ARHGAP40: variants seen among roughly 807,000 people sequenced by gnomAD.
ARHGAP40 encodes rho GTPase-activating protein 40.
In ARHGAP40, 43 loss-of-function variants were observed where a neutral mutation model predicts 73.5. The ratio of observed to expected loss-of-function variants is 0.58; its 90% CI spans 0.46 to 0.75. The LOEUF (loss-of-function observed/expected upper bound fraction) is 0.75. ARHGAP40 is among the 30% of genes least tolerant of loss of function. The probability of loss-of-function intolerance (pLI) is 0.00; values close to 1 mark genes in which losing one functional copy is unlikely to be tolerated. For synonymous variants in ARHGAP40, 300 were observed against 352.8 expected, an observed-to-expected ratio of 0.85 and a Z score of 1.68; for missense variants, 734 against 861.8, an observed-to-expected ratio of 0.85 and a Z score of 1.86.
At chr20:38,612,537 G>A (rs1451738916) in intron 1 of ARHGAP40, among the ~76,000 whole-genome samples, 35 of 152,140 alleles carry the variant, frequency 2.3e-4, no homozygotes, top group Non-Finnish European at 8.8e-5. Context: ...AGCTGGGCAT[G>A]GTGGAAGGTG....
chr20:38,644,998 C>T (rs1206147967), intron 11 of ARHGAP40, among the ~76,000 whole-genome samples: 1 of 152,194 alleles, frequency 6.6e-6, no homozygotes, highest in Non-Finnish European at 1.5e-5. Flanking sequence ...GTGAAGCCCT[C>T]TCTGACTGTT....
rs1196934360 is a variant in ARHGAP40 at position 38,640,138 on chromosome 20, T to TTCC, written c.1279+754_1279+755insCTC. On this transcript the variant is annotated intron_variant, in intron 9 of 14. Transcript: ENST00000373345. Reference sequence around the variant, plus strand: ...TTCCTCTTCTTCCTCTTCTTTCTTCTTCTTTCTTCTTCCTCTTCTTTCTTC... The same window carrying TTCC: ...TTCCTCTTCTTCCTCTTCTTTCTTCTTCCTCTTTCTTCTTCCTCTTCTTTCTTC... Among the ~76,000 whole-genome samples the TTCC allele has an allele frequency of 3.5e-3, 413 of 116,864 alleles. 7 individuals carry two copies. The highest frequency in any genetic ancestry group is 0.01 in the African/African-American group (252 of 24,262). 76.7% of individuals were successfully genotyped at this position (116,864 alleles called of 152,430 possible).
chr20:38,633,315 T>C (rs557952758), intron 5 of ARHGAP40, among the ~76,000 whole-genome samples: 1 of 152,304 alleles, frequency 6.6e-6, no homozygotes, highest in Non-Finnish European at 1.5e-5. Flanking sequence ...ACATCACATA[T>C]TGATCTTTTA....
At chr20:38,616,670 T>C (rs560721930) in intron 1 of ARHGAP40, among the ~76,000 whole-genome samples, 2 of 152,338 alleles carry the variant, frequency 1.3e-5, no homozygotes, top group South Asian at 2.1e-4. Flanking sequence ...TGTTTGACCA[T>C]CTGTGAAATG....
In ARHGAP40 at chr20:38,628,946, GC is replaced by G. The variant is rs780775073; in HGVS notation, c.579del (p.Asp194ThrfsTer4). 2.7e-4 allele frequency: 356 copies of G among 1,304,846 alleles called. No individual in the cohort carries two copies. The highest frequency in any genetic ancestry group is 3.5e-4 in the Non-Finnish European group (345 of 988,802). The allele number at this position is 1,304,846 out of a possible 1,614,324, so 80.8% of individuals were successfully genotyped here. A position where few individuals can be genotyped will look rare whatever the true frequency, so the allele number is the denominator to read the frequency against. Reference sequence around the variant, plus strand: ...GCATAGAAAATGTCGTCAGAGAATGGCGACTCCGGTATGAAGGGGGCCCAGC... The same window carrying G: ...GCATAGAAAATGTCGTCAGAGAATGGGACTCCGGTATGAAGGGGGCCCAGC... On this transcript the variant is annotated frameshift_variant, in exon 4 of 15. Transcript: ENST00000373345. LOFTEE classifies it high-confidence loss of function.
intron 6 of ARHGAP40, among the ~76,000 whole-genome samples, chr20:38,635,560 G>T (rs922762383): frequency 8.5e-5 from 13 of 152,118 alleles, no homozygotes; most frequent in African/African-American, 3.1e-4. Context: ...CTACCTGGGA[G>T]GCTGAAGTGG....
intron 10 of ARHGAP40, among the ~76,000 whole-genome samples, chr20:38,643,145 CAA>C (rs61492761): frequency 0.5 from 66,977 of 133,258 alleles, 15,542 homozygotes; most frequent in East Asian, 0.62. Flanking sequence ...GACTCTGACT[CAA>C]AAAAAAAAAA....
chr20:38,601,831 G>T, exon 1 of ARHGAP40: 2 of 1,218,238 alleles, frequency 1.6e-6, no homozygotes, highest in South Asian at 2.7e-5. Context: ...GGGTGTCTGG[G>T]AACTGGGTGC....
Position 38,605,647 on chromosome 20 carries a change from T to C in ARHGAP40, c.137+3568T>C, listed in dbSNP as rs139747874. On this transcript the variant is annotated intron_variant, in intron 1 of 14. Transcript: ENST00000373345. ...AAAAAAGTAGCAAGTGAAATCCACC[T>C]GCCCCTCCCACCTCCAACCCACAAG... Among the ~76,000 whole-genome samples the C allele has an allele frequency of 8.0e-3, 1,216 of 152,298 alleles. 3 individuals are homozygous for C. The highest frequency in any genetic ancestry group is 0.014 in the Non-Finnish European group (919 of 68,026).
intron 1 of ARHGAP40, among the ~76,000 whole-genome samples, chr20:38,622,421 A>C (rs545545168): frequency 1.6e-3 from 244 of 152,198 alleles, no homozygotes; most frequent in Non-Finnish European, 2.9e-3. Flanking sequence ...ACCATTTCTC[A>C]AGGATTTGGG....
exon 3 of ARHGAP40, chr20:38,627,011 C>A (rs1190587805): frequency 5.4e-6 from 7 of 1,304,210 alleles, no homozygotes; most frequent in Non-Finnish European, 7.1e-6. Flanking sequence ...AAGCTGAATC[C>A]CAGTGGCTGC....
intron 1 of ARHGAP40, among the ~76,000 whole-genome samples, chr20:38,622,062 AAAACAAAC>A (rs953008534): frequency 1.3e-5 from 2 of 152,162 alleles, no homozygotes; most frequent in African/African-American, 2.4e-5. Context: ...TCAAAAAACA[AAAACAAAC>A]AAACAAACAA....
intron 6 of ARHGAP40, among the ~76,000 whole-genome samples, chr20:38,635,478 A>G (rs2088968947): frequency 6.6e-6 from 1 of 152,080 alleles, no homozygotes; most frequent in South Asian, 2.1e-4. Flanking sequence ...AGCATGGGTG[A>G]CATAGTGAGA....
At chr20:38,603,455 A>G (rs528562194) in intron 1 of ARHGAP40, among the ~76,000 whole-genome samples, 130 of 126,890 alleles carry the variant, frequency 1.0e-3, no homozygotes, top group African/African-American at 3.2e-3. Flanking sequence ...CTATCTATCT[A>G]TCTATCTATT....
intron 3 of ARHGAP40, 26 bp from the exon 4 acceptor site, chr20:38,628,901 T>C (rs368771030): frequency 3.9e-6 from 5 of 1,296,350 alleles, no homozygotes; most frequent in Non-Finnish European, 5.1e-6. Flanking sequence ...ACATGAGTAA[T>C]TGGGCACTGT....
In ARHGAP40 at chr20:38,648,622, TTC is replaced by T; in HGVS notation, c.1881-11_1881-10del. ...GAAGAAAAAGGCAGTAGTTTTTTTT[TTC>T]TCTCTCTCTGTTTTACAGCCATAGG... is the stretch of plus-strand genomic sequence containing the variant. On this transcript the variant is annotated intron_variant, in intron 13 of 14. Coordinates refer to ENST00000373345, the Ensembl canonical transcript of ARHGAP40. 2.3e-6 allele frequency: 3 copies of T among 1,296,624 alleles called. No homozygotes were observed. Among genetic ancestry groups the T allele is most frequent in the Admixed American group, 2.4e-5 (1 of 42,074 alleles). 80.3% of individuals were successfully genotyped at this position (1,296,624 alleles called of 1,614,324 possible). A position where few individuals can be genotyped will look rare whatever the true frequency, so the allele number is the denominator to read the frequency against.
chr20:38,630,524 CT>C, intron 5 of ARHGAP40, among the ~76,000 whole-genome samples: 1 of 152,090 alleles, frequency 6.6e-6, no homozygotes, highest in East Asian at 1.9e-4. Context: ...CCTGGCCGTT[CT>C]TTTTTCCCAA....
In ARHGAP40 at chr20:38,649,790, TA is replaced by T; in HGVS notation, c.1971del (p.Asp658IlefsTer44). ...CGCCTGGACCCAGATGCCTACCTCT[TA>T]GATCTGTACCGTGCCAACCCGCATG... On this transcript the variant is annotated frameshift_variant, in exon 15 of 15. Transcript: ENST00000373345. LOFTEE classifies it high-confidence loss of function. 7.7e-7 allele frequency: 1 copy of T among 1,305,188 alleles called. No homozygotes were observed. The highest frequency in any genetic ancestry group is 1.2e-5 in the South Asian group (1 of 81,018). The allele number at this position is 1,305,188 out of a possible 1,614,324, so 80.9% of individuals were successfully genotyped here. A position where few individuals can be genotyped will look rare whatever the true frequency, so the allele number is the denominator to read the frequency against.
At chr20:38,624,632 C>T (rs35612929) in intron 2 of ARHGAP40, among the ~76,000 whole-genome samples, 4,293 of 94,304 alleles carry the variant, frequency 0.046, 225 homozygotes, top group African/African-American at 0.22. Context: ...AAAGCACTTT[C>T]CTGCCTCAAG....
Sources: allele counts gnomAD v4.1 joint callset (sites outside exome capture counted in the v4.1 genomes callset), GRCh38; gene constraint gnomAD v4.1.1; transcripts MANE v1.5; gene names NCBI Gene and HGNC (gene_info 2026-07-23, HGNC 2026-07-21).